The following MAGI2 variants were observed in gnomAD, a reference collection of about 807,000 sequenced individuals.
MAGI2 encodes membrane-associated guanylate kinase, WW and PDZ domain-containing protein 2.
In MAGI2, 35 loss-of-function variants were observed where a neutral mutation model predicts 133.3. That is an observed-to-expected ratio of 0.26 (90% confidence interval 0.20 to 0.35). The LOEUF (loss-of-function observed/expected upper bound fraction) is 0.35. Ranked by LOEUF, MAGI2 falls within the 10% of genes least tolerant of loss-of-function variation. The pLI, the probability that MAGI2 is intolerant of heterozygous loss-of-function variation, is 1.00. For synonymous variants in MAGI2, 729 were observed against 710.6 expected (o/e 1.03, Z -0.41); for missense variants, 1,636 against 1,863.4 (o/e 0.88, Z 2.25).
intron 1 of MAGI2, among the ~76,000 whole-genome samples, chr7:79,245,309 G>C (rs948578044): frequency 6.6e-6 from 1 of 152,198 alleles, no homozygotes; most frequent in Non-Finnish European, 1.5e-5. Flanking sequence ...CAGAGGGATG[G>C]TGCACCAGGT....
chr7:78,886,830 T>C (rs867383044), intron 2 of MAGI2, among the ~76,000 whole-genome samples: 36 of 152,264 alleles, frequency 2.4e-4, no homozygotes, highest in African/African-American at 8.4e-4. Flanking sequence ...GGTGATATGG[T>C]TTGGCTGTAT....
rs891809185 is a variant in MAGI2 at position 78,170,032 on chromosome 7, C to T, written c.2404-1924G>A. The stretch of plus-strand genomic sequence containing the variant: ...TTCTCCACTGTCCCATGAAAAGGTG[C>T]GTTTAGTTGGTTTGGCCTTAAGAAA... On this transcript the variant is annotated intron_variant, in intron 14 of 21. Transcript: ENST00000354212. Among the ~76,000 whole-genome samples the T allele has an allele frequency of 3.9e-5, 6 of 152,280 alleles. No individual in the cohort carries two copies. The South Asian group carries it at 6.2e-4, about 16-fold the overall frequency.
chr7:78,221,747 T>C (rs114572292), intron 10 of MAGI2, among the ~76,000 whole-genome samples: 2,654 of 151,738 alleles, frequency 0.017, 71 homozygotes, highest in African/African-American at 0.058. Context: ...AATCCCAGCA[T>C]TTTGAGAGGC....
At chr7:78,158,870 T>C (rs1036565744) in intron 16 of MAGI2, among the ~76,000 whole-genome samples, 7 of 152,134 alleles carry the variant, frequency 4.6e-5, no homozygotes, top group African/African-American at 1.4e-4. Flanking sequence ...ACATCACTAT[T>C]GTAAAACCTA....
intron 21 of MAGI2, among the ~76,000 whole-genome samples, chr7:78,076,904 C>T (rs1012465511): frequency 4.8e-5 from 7 of 144,330 alleles, no homozygotes; most frequent in African/African-American, 7.8e-5. Context: ...AATGTTGACA[C>T]GATCTTGAAT....
chr7:78,157,479 GTGTT>G (rs983448350), intron 16 of MAGI2, among the ~76,000 whole-genome samples: 1 of 152,058 alleles, frequency 6.6e-6, no homozygotes, highest in African/African-American at 2.4e-5. Context: ...AATAGGAAAA[GTGTT>G]TGTAGTTTCT....
intron 6 of MAGI2, among the ~76,000 whole-genome samples, chr7:78,412,425 CA>C (rs1329546391): frequency 6.6e-6 from 1 of 152,020 alleles, no homozygotes; most frequent in Non-Finnish European, 1.5e-5. Context: ...TGGGGCACTC[CA>C]GAGTCTTCAC....
At chr7:78,984,063 A>G (rs561873714) in intron 2 of MAGI2, among the ~76,000 whole-genome samples, 1 of 152,110 alleles carries the variant, frequency 6.6e-6, no homozygotes, top group South Asian at 2.1e-4. Flanking sequence ...CTCATTAGAA[A>G]TGGACTGCAT....
intron 1 of MAGI2, chr7:79,410,570 G>T (rs1457767204): frequency 6.6e-6 from 1 of 152,056 alleles, no homozygotes; most frequent in African/African-American, 2.4e-5. Context: ...TCAACAGTTG[G>T]CATGACTAAT....
intron 9 of MAGI2, among the ~76,000 whole-genome samples, chr7:78,294,965 C>T (rs1164667433): frequency 6.9e-6 from 1 of 144,856 alleles, no homozygotes; most frequent in Non-Finnish European, 1.6e-5. Context: ...TATTCTAACT[C>T]ATCAGAACAG....
At chr7:79,156,366 G>A (rs2129547352) in intron 1 of MAGI2, among the ~76,000 whole-genome samples, 1 of 151,994 alleles carries the variant, frequency 6.6e-6, no homozygotes, top group South Asian at 2.1e-4. Flanking sequence ...TTTTCTTCCA[G>A]GCCCTCCCAA....
chr7:79,428,723 CA>C (rs1365493530), intron 1 of MAGI2, among the ~76,000 whole-genome samples: 1 of 152,040 alleles, frequency 6.6e-6, no homozygotes, highest in Non-Finnish European at 1.5e-5. Context: ...TGATAGCAGG[CA>C]ACTATAAATA....
At position 79,296,024 on chromosome 7, in the gene MAGI2, A is replaced by G. The variant is rs1836901144; in HGVS notation, c.301+156996T>C. Among the ~76,000 whole-genome samples the G allele has an allele frequency of 2.6e-5, 4 of 152,356 alleles. No individual in the cohort carries two copies. The East Asian group carries it at 5.8e-4, about 22-fold the overall frequency. On this transcript the variant is annotated intron_variant, in intron 1 of 21. Transcript: ENST00000354212. ...AGTGAAACTATTCCTAAAAATCTTC[A>G]CATTCAGGATTTAACTTTCCTAATT... is the stretch of plus-strand genomic sequence containing the variant.
At chr7:79,428,845 T>G (rs956019242) in intron 1 of MAGI2, among the ~76,000 whole-genome samples, 3 of 152,310 alleles carry the variant, frequency 2.0e-5, no homozygotes, top group Admixed American at 2.0e-4. Flanking sequence ...AAGCTATTCC[T>G]TTGGAAGGCT....
intron 2 of MAGI2, among the ~76,000 whole-genome samples, chr7:78,775,486 C>T (rs112763552): frequency 2.7e-4 from 41 of 152,136 alleles, no homozygotes; most frequent in African/African-American, 8.7e-4. Context: ...TTATCTCTTG[C>T]TGACACCAGG....
chr7:78,610,977 C>T lies in MAGI2; in HGVS notation c.538+16143G>A, dbSNP rs377143532. Among the ~76,000 whole-genome samples, 5 of 152,350 alleles carry T rather than the reference C, an allele frequency of 3.3e-5. No homozygotes were observed. The East Asian group carries it at 9.6e-4, about 29-fold the overall frequency. On this transcript the variant is annotated intron_variant, in intron 3 of 21. Transcript: ENST00000354212. ...GAAGCAATTTCAACTTCTCCCCTTTCTACTTCAGAGACTTCCTTCAAGTTA... is the reference window on the plus strand; with the variant it reads ...GAAGCAATTTCAACTTCTCCCCTTTTTACTTCAGAGACTTCCTTCAAGTTA...
At chr7:79,324,410 CGT>C (rs1839436618) in intron 1 of MAGI2, among the ~76,000 whole-genome samples, 1 of 132,160 alleles carries the variant, frequency 7.6e-6, no homozygotes, top group Non-Finnish European at 1.6e-5. Flanking sequence ...ATACACACAA[CGT>C]ATCTATCTAT....
At chr7:78,772,428 T>C (rs932394505) in intron 2 of MAGI2, among the ~76,000 whole-genome samples, 2 of 152,212 alleles carry the variant, frequency 1.3e-5, no homozygotes, top group Admixed American at 1.3e-4. Context: ...AGGAGCATGA[T>C]GATACTGGTG....
At chr7:79,100,909 C>T (rs1490125666) in intron 1 of MAGI2, among the ~76,000 whole-genome samples, 1 of 151,804 alleles carries the variant, frequency 6.6e-6, no homozygotes, top group Non-Finnish European at 1.5e-5. Context: ...CCAGTTGTTT[C>T]AGTAACACTT....
Sources: allele counts gnomAD v4.1 joint callset (sites outside exome capture counted in the v4.1 genomes callset), GRCh38; gene constraint gnomAD v4.1.1; transcripts MANE v1.5; gene names NCBI Gene and HGNC (gene_info 2026-07-23, HGNC 2026-07-21).